The following SNTB1 variants were observed in gnomAD, a reference collection of about 807,000 sequenced individuals.
The protein encoded by SNTB1 is beta-1-syntrophin.
A neutral mutation model predicts 48.9 loss-of-function variants in SNTB1; 36 were observed. That is an observed-to-expected ratio of 0.74 (90% CI 0.56 to 0.97). The LOEUF (loss-of-function observed/expected upper bound fraction) is 0.97, where lower values mean the gene tolerates loss of function less well. Among genes scored for constraint, SNTB1 ranks in the 50% least tolerant of loss-of-function variants. SNTB1 has a pLI of 0.00. For synonymous variants in SNTB1, 299 were observed against 294.6 expected (o/e 1.01, Z -0.15); for missense variants, 786 against 703.4 (o/e 1.12, Z -1.33).
At position 120,733,698 on chromosome 8, in the gene SNTB1, A is replaced by G. The variant is rs562087655; in HGVS notation, c.572-39790T>C. ...CTCTAAGATTTCAGGGTTTTCATTG[A>G]TAAGACTCTTAAGGAATGCAAAAGT... On this transcript the variant is annotated intron_variant, in intron 1 of 6. Transcript: ENST00000517992. Among the ~76,000 whole-genome samples the G allele has an allele frequency of 2.6e-4, 40 of 152,350 alleles. No individual in the cohort carries two copies. In the South Asian group the frequency reaches 8.1e-3, roughly 31 times the overall value.
intron 2 of SNTB1, among the ~76,000 whole-genome samples, chr8:120,636,564 ACATGAACT>A (rs1187529356): frequency 2.1e-5 from 3 of 146,030 alleles, no homozygotes; most frequent in African/African-American, 7.6e-5. Flanking sequence ...CCTACAAAGG[ACATGAACT>A]CATCATTTTT....
intron 3 of SNTB1, among the ~76,000 whole-genome samples, chr8:120,612,016 G>A (rs927939134): frequency 1.6e-4 from 25 of 152,024 alleles, no homozygotes; most frequent in African/African-American, 6.0e-4. Context: ...CAAACAGAGT[G>A]AGTCACTGAA....
At chr8:120,684,538 T>C (rs1817994374) in intron 2 of SNTB1, among the ~76,000 whole-genome samples, 1 of 151,950 alleles carries the variant, frequency 6.6e-6, no homozygotes, top group Non-Finnish European at 1.5e-5. Context: ...AGACAAGTTA[T>C]GCATTTCAAA....
intron 4 of SNTB1, among the ~76,000 whole-genome samples, chr8:120,573,641 G>C (rs1162652429): frequency 6.6e-6 from 1 of 152,044 alleles, no homozygotes; most frequent in African/African-American, 2.4e-5. Context: ...TTTTCCCTAT[G>C]TTTTCTTCTG....
chr8:120,591,936 A>C (rs969763288), intron 3 of SNTB1, among the ~76,000 whole-genome samples: 1 of 152,218 alleles, frequency 6.6e-6, no homozygotes, highest in African/African-American at 2.4e-5. Context: ...ATCACAAATA[A>C]AAAATAGACC....
chr8:120,793,014 G>A (rs371356673), intron 1 of SNTB1, among the ~76,000 whole-genome samples: 17 of 151,968 alleles, frequency 1.1e-4, no homozygotes, highest in Admixed American at 6.6e-5. Flanking sequence ...TTGTTAATAC[G>A]TTTCTATCTC....
intron 1 of SNTB1, among the ~76,000 whole-genome samples, chr8:120,805,250 C>T (rs922840836): frequency 2.6e-5 from 4 of 152,054 alleles, no homozygotes; most frequent in South Asian, 4.1e-4. Flanking sequence ...AACACACCCA[C>T]GTCCTGGTCT....
intron 1 of SNTB1, among the ~76,000 whole-genome samples, chr8:120,790,712 TA>T (rs1244727515): frequency 1.3e-5 from 2 of 151,964 alleles, no homozygotes; most frequent in Non-Finnish European, 2.9e-5. Context: ...CCAGGAGAAC[TA>T]CAAAACACTA....
intron 4 of SNTB1, among the ~76,000 whole-genome samples, chr8:120,572,383 T>C (rs1023242477): frequency 6.6e-6 from 1 of 152,164 alleles, no homozygotes; most frequent in African/African-American, 2.4e-5. Flanking sequence ...GACACAAATA[T>C]GACTTTATCA....
chr8:120,605,994 G>A (rs754771699), intron 3 of SNTB1, among the ~76,000 whole-genome samples: 6 of 151,946 alleles, frequency 3.9e-5, no homozygotes, highest in African/African-American at 1.5e-4. Flanking sequence ...GCCCCTACTC[G>A]TCCCTGCATC....
chr8:120,649,646 T>G (rs1417129345), intron 2 of SNTB1, among the ~76,000 whole-genome samples: 6 of 150,018 alleles, frequency 4.0e-5, no homozygotes, highest in Non-Finnish European at 8.9e-5. Context: ...CCCCCAGAGG[T>G]GGAGCCTACA....
chr8:120,600,491 A>G (rs1816404653), intron 3 of SNTB1, among the ~76,000 whole-genome samples: 1 of 152,188 alleles, frequency 6.6e-6, no homozygotes, highest in Non-Finnish European at 1.5e-5. Context: ...CTTTCCGGCT[A>G]AACCCAGTCA....
At chr8:120,654,842 C>G (rs1817472053) in intron 2 of SNTB1, 2 of 371,774 alleles carry the variant, frequency 5.4e-6, no homozygotes. Context: ...ATAAATAAAA[C>G]AAAACTCACA....
At chr8:120,554,026 T>C (rs1393907530) in intron 4 of SNTB1, among the ~76,000 whole-genome samples, 1 of 152,200 alleles carries the variant, frequency 6.6e-6, no homozygotes, top group Non-Finnish European at 1.5e-5. Flanking sequence ...ATAAGAAACA[T>C]ATACATCAGG....
At chr8:120,743,789 A>G (rs934280519) in intron 1 of SNTB1, among the ~76,000 whole-genome samples, 2 of 152,210 alleles carry the variant, frequency 1.3e-5, no homozygotes, top group Admixed American at 6.5e-5. Context: ...GCCCACTACT[A>G]TTATATCACA....
At chr8:120,729,095 C>G (rs1818810840) in intron 1 of SNTB1, among the ~76,000 whole-genome samples, 1 of 152,032 alleles carries the variant, frequency 6.6e-6, no homozygotes, top group East Asian at 1.9e-4. Flanking sequence ...CCTCCCACCT[C>G]AGCCTTACAA....
At chr8:120,628,773 A>T (rs114717029) in intron 3 of SNTB1, among the ~76,000 whole-genome samples, 1,954 of 152,084 alleles carry the variant, frequency 0.013, 47 homozygotes, top group African/African-American at 0.044. Context: ...AAAAAAAGAA[A>T]GAGTTGAGGC....
At position 120,537,304 on chromosome 8, in the gene SNTB1, T is replaced by C. The variant is rs1815217582; in HGVS notation, c.*1573A>G. 6.6e-6 allele frequency: 1 copy of C among 152,158 alleles called. No homozygotes were observed. The highest frequency in any genetic ancestry group is 2.1e-4 in the South Asian group (1 of 4,828). 9.4% of individuals were successfully genotyped at this position (152,158 alleles called of 1,614,324 possible). On this transcript the variant is annotated 3_prime_UTR_variant, in exon 7 of 7. Coordinates refer to ENST00000517992, the MANE Select transcript of SNTB1 (RefSeq NM_021021.4). ...TTCAAGGAGGCAATCGTGAAATCTATTTAACATTTTTCAGCTCAGTATTTA... is the reference window on the plus strand; with the variant it reads ...TTCAAGGAGGCAATCGTGAAATCTACTTAACATTTTTCAGCTCAGTATTTA...
chr8:120,730,242 G>A (rs58113621), intron 1 of SNTB1, among the ~76,000 whole-genome samples: 4,680 of 152,138 alleles, frequency 0.031, 242 homozygotes, highest in African/African-American at 0.11. Context: ...TCACTGCAAC[G>A]TCAGCCTCCT....
Sources: allele counts gnomAD v4.1 joint callset (sites outside exome capture counted in the v4.1 genomes callset), GRCh38; gene constraint gnomAD v4.1.1; transcripts MANE v1.5; gene names NCBI Gene and HGNC (gene_info 2026-07-23, HGNC 2026-07-21).